ACER3: variants seen among roughly 807,000 people sequenced by gnomAD.
The protein encoded by ACER3 is alkCDase 3.
A neutral mutation model predicts 48.9 loss-of-function variants in ACER3; 16 were observed. That is an observed-to-expected ratio of 0.33 (90% confidence interval 0.22 to 0.50). The LOEUF (loss-of-function observed/expected upper bound fraction) is 0.50, where lower values mean the gene tolerates loss of function less well. Ranked by LOEUF, ACER3 falls within the 20% of genes least tolerant of loss-of-function variation. The pLI, the probability that ACER3 is intolerant of heterozygous loss-of-function variation, is 0.98. For missense variants in ACER3, 227 were observed against 326.0 expected (o/e 0.70, Z 2.34); for synonymous variants, 109 against 107.8 (o/e 1.01, Z -0.07).
intron 2 of ACER3, among the ~76,000 whole-genome samples, chr11:76,938,970 T>TAAAAAAAAG (rs57652669): frequency 7.0e-6 from 1 of 143,316 alleles, no homozygotes; most frequent in Non-Finnish European, 1.5e-5. Context: ...AAGAAAGTGC[T>TAAAAAAAAG]AAAAAAAATG....
intron 1 of ACER3, among the ~76,000 whole-genome samples, chr11:76,909,202 A>G (rs1946307858): frequency 6.6e-6 from 1 of 152,202 alleles, no homozygotes. Flanking sequence ...CATTCAGAAC[A>G]TAGGTATGGG....
intron 2 of ACER3, among the ~76,000 whole-genome samples, chr11:76,949,005 G>C (rs1340609864): frequency 6.6e-6 from 1 of 152,100 alleles, no homozygotes; most frequent in Non-Finnish European, 1.5e-5. Context: ...GATAAATCTG[G>C]GATTCTAGTC....
chr11:76,914,591 A>G (rs922738459), intron 1 of ACER3, among the ~76,000 whole-genome samples: 4 of 152,262 alleles, frequency 2.6e-5, no homozygotes, highest in African/African-American at 4.8e-5. Context: ...TTTTTACACT[A>G]TTGGTGGGAG....
At position 77,003,908 on chromosome 11, in the gene ACER3, T is replaced by C. The variant is rs1352010956; in HGVS notation, c.497+5087T>C. Among the ~76,000 whole-genome samples, 5 of 152,232 alleles carry C rather than the reference T, an allele frequency of 3.3e-5. No individual in the cohort carries two copies. The East Asian group carries it at 9.6e-4, about 29-fold the overall frequency. On this transcript the variant is annotated intron_variant, in intron 7 of 10. Coordinates refer to ENST00000532485, the MANE Select transcript of ACER3 (RefSeq NM_018367.7). ...ATTTCATTGTGGTCAGAGAACACAC[T>C]CTGCATGATTTCATTTTTCTTAAAT...
chr11:76,927,218 C>G (rs1028826409), intron 2 of ACER3, among the ~76,000 whole-genome samples: 1 of 152,128 alleles, frequency 6.6e-6, no homozygotes, highest in Non-Finnish European at 1.5e-5. Context: ...TTGTGACTTA[C>G]GTATATTCTA....
At chr11:76,886,122 G>A (rs1467765107) in intron 1 of ACER3, among the ~76,000 whole-genome samples, 1 of 152,196 alleles carries the variant, frequency 6.6e-6, no homozygotes, top group Non-Finnish European at 1.5e-5. Context: ...GGGTAGTTAA[G>A]GAAGGCTTCT....
intron 8 of ACER3, 35 bp downstream of exon 8, chr11:77,015,152 T>A (rs1277535170): frequency 8.3e-7 from 1 of 1,208,240 alleles, no homozygotes; most frequent in East Asian, 2.3e-5. Context: ...GAAATATTTT[T>A]GGAAGCATTT....
intron 1 of ACER3, among the ~76,000 whole-genome samples, chr11:76,868,724 A>G (rs914991467): frequency 1.3e-5 from 2 of 152,216 alleles, no homozygotes; most frequent in Non-Finnish European, 2.9e-5. Flanking sequence ...CATTCAGTCT[A>G]TTAATATTAG....
intron 1 of ACER3, among the ~76,000 whole-genome samples, chr11:76,913,142 GA>G (rs1946429002): frequency 6.6e-6 from 1 of 152,066 alleles, no homozygotes; most frequent in African/African-American, 2.4e-5. Context: ...TTGTGAATGG[GA>G]ATTCACTCAT....
chr11:76,882,957 G>A (rs375292820), intron 1 of ACER3, among the ~76,000 whole-genome samples: 2 of 152,080 alleles, frequency 1.3e-5, no homozygotes, highest in African/African-American at 2.4e-5. Context: ...TTTCCCTTTC[G>A]AGATTCCTCA....
intron 7 of ACER3, among the ~76,000 whole-genome samples, chr11:77,002,549 G>C (rs1949055231): frequency 6.6e-6 from 1 of 152,110 alleles, no homozygotes; most frequent in Non-Finnish European, 1.5e-5. Context: ...ATATTGGTTT[G>C]TAGTTTTTAT....
Position 77,016,681 on chromosome 11 carries a change from T to C in ACER3, c.606T>C (p.Phe202=). Residue 202 remains phenylalanine, a synonymous_variant, in exon 9 of 11, where the codon TTT becomes TTC. Transcript: ENST00000532485. ...DNIFCESLRN[F]RKKVPPIIGI... ...TCTCCCTCTCTCCACACAGGAACTTTCGAAAGAAGGTACCACCTATCATAG... is the reference window on the plus strand; with the variant it reads ...TCTCCCTCTCTCCACACAGGAACTTCCGAAAGAAGGTACCACCTATCATAG... 6.4e-7 allele frequency: 1 copy of C among 1,565,204 alleles called. No homozygotes were observed. Among genetic ancestry groups the C allele is most frequent in the Non-Finnish European group, 8.7e-7 (1 of 1,151,822 alleles).
intron 3 of ACER3, among the ~76,000 whole-genome samples, chr11:76,971,867 G>A (rs946108883): frequency 2.6e-5 from 4 of 152,042 alleles, no homozygotes; most frequent in African/African-American, 7.2e-5. Context: ...ACCTTTAAAG[G>A]TGTCAGATTC....
Position 76,929,135 on chromosome 11 carries a change from G to C in ACER3, c.214+2468G>C, listed in dbSNP as rs4562848. On this transcript the variant is annotated intron_variant, in intron 2 of 10. Coordinates refer to ENST00000532485, the MANE Select transcript of ACER3 (RefSeq NM_018367.7). ...ATTTGCTTGTGTCCTCTTTTATTTC[G>C]TTGAGCAGTGGTTTGTAGTTCTCCT... Among the ~76,000 whole-genome samples the C allele has an allele frequency of 2.7e-4, 41 of 151,934 alleles. No individual in the cohort carries two copies. In the East Asian group the frequency reaches 3.5e-3, roughly 13 times the overall value.
chr11:76,888,085 G>A (rs1945716485), intron 1 of ACER3, among the ~76,000 whole-genome samples: 1 of 152,044 alleles, frequency 6.6e-6, no homozygotes. Context: ...CTCCCAAAGT[G>A]CTGGAATTAT....
At chr11:76,932,388 T>TCTATATATCTATAG (rs1262165113) in intron 2 of ACER3, among the ~76,000 whole-genome samples, 17 of 152,238 alleles carry the variant, frequency 1.1e-4, no homozygotes, top group Middle Eastern at 3.2e-3. Context: ...TACCTTAGAT[T>TCTATATATCTATAG]ATTTATTAGA....
chr11:76,862,183 G>C (rs1016860598), intron 1 of ACER3, among the ~76,000 whole-genome samples: 1 of 151,846 alleles, frequency 6.6e-6, no homozygotes, highest in Non-Finnish European at 1.5e-5. Context: ...TCTCATTGTT[G>C]AGTCCTGTTC....
chr11:77,011,681 G>A (rs1215239799), intron 7 of ACER3, among the ~76,000 whole-genome samples: 3 of 151,374 alleles, frequency 2.0e-5, no homozygotes, highest in Admixed American at 6.6e-5. Context: ...CACCTTTTAC[G>A]TTCACTTATA....
intron 1 of ACER3, among the ~76,000 whole-genome samples, chr11:76,901,959 TCTC>T (rs1946093153): frequency 6.6e-6 from 1 of 152,024 alleles, no homozygotes; most frequent in Non-Finnish European, 1.5e-5. Context: ...TGAGGGGTGG[TCTC>T]CTCCTTTATT....
Sources: allele counts gnomAD v4.1 joint callset (sites outside exome capture counted in the v4.1 genomes callset), GRCh38; gene constraint gnomAD v4.1.1; transcripts MANE v1.5; gene names NCBI Gene and HGNC (gene_info 2026-07-23, HGNC 2026-07-21).